Variants in SCN8A observed in about 807,000 individuals in gnomAD.
SCN8A encodes sodium channel protein type 8 subunit alpha.
Under a neutral mutation model 184.1 loss-of-function variants are expected in SCN8A, and 30 were observed. The observed-to-expected ratio is 0.16, with a 90% CI of 0.12 to 0.22. The LOEUF (loss-of-function observed/expected upper bound fraction) is 0.22, where lower values mean the gene tolerates loss of function less well. SCN8A is among the 10% of genes least tolerant of loss of function. SCN8A has a pLI of 1.00. For missense variants in SCN8A, 1,057 were observed against 2,498.9 expected (o/e 0.42, Z 12.30); for synonymous variants, 852 against 907.0 (o/e 0.94, Z 1.09).
At chr12:51,770,774 T>C (rs1692270896) in intron 19 of SCN8A, 91 bp downstream of exon 19, 1 of 1,340,630 alleles carries the variant, frequency 7.5e-7, no homozygotes, top group Non-Finnish European at 1.0e-6. Flanking sequence ...GCCCAGTGGC[T>C]CTGAAAACAG....
At chr12:51,675,132 A>G (rs1941201403) in intron 2 of SCN8A, among the ~76,000 whole-genome samples, 1 of 152,236 alleles carries the variant, frequency 6.6e-6, no homozygotes, top group Non-Finnish European at 1.5e-5. Context: ...GAAGGTGATC[A>G]AAGTCAAATT....
intron 26 of SCN8A, among the ~76,000 whole-genome samples, chr12:51,804,873 G>A (rs2138939595): frequency 6.6e-6 from 1 of 152,340 alleles, no homozygotes; most frequent in Non-Finnish European, 1.5e-5. Flanking sequence ...GGCTAGTTTG[G>A]TAGACTAGGG....
chr12:51,594,111 A>G (rs1054405363), intron 1 of SCN8A, among the ~76,000 whole-genome samples: 7 of 152,250 alleles, frequency 4.6e-5, no homozygotes, highest in African/African-American at 1.7e-4. Context: ...TAAAATAGGA[A>G]GGAGGCCATA....
chr12:51,806,014 G>A lies in SCN8A; in HGVS notation c.4796-268G>A, dbSNP rs1938691440. ...CAGCTAATTTTTTATTTTCAGTAGA[G>A]ACAGGGTTTCACCATGTTGGCCAGG... On this transcript the variant is annotated intron_variant, in intron 26 of 26. Transcript: ENST00000627620. The surrounding 1 kb of genome is among the most constrained non-coding windows in gnomAD (Gnocchi z 8.7). 6.6e-6 allele frequency among the ~76,000 whole-genome samples: 1 copy of A among 152,082 alleles called. No homozygotes were observed. The highest frequency in any genetic ancestry group is 6.5e-5 in the Admixed American group (1 of 15,280).
At chr12:51,685,700 A>G (rs2138710583) in intron 3 of SCN8A, among the ~76,000 whole-genome samples, 1 of 152,270 alleles carries the variant, frequency 6.6e-6, no homozygotes, top group South Asian at 2.1e-4. Flanking sequence ...TATGGGCTGT[A>G]TTGGCTGATG....
In SCN8A at chr12:51,810,729, C is replaced by T. The variant is rs563793973; in HGVS notation, c.*3300C>T. ...TGGTTTGTGTGTGAAAAACATTTTCCCCCTCTTCTTTCCTTAACCTCCTTG... is the reference window on the plus strand; with the variant it reads ...TGGTTTGTGTGTGAAAAACATTTTCTCCCTCTTCTTTCCTTAACCTCCTTG... On this transcript the variant is annotated 3_prime_UTR_variant, in exon 27 of 27. Coordinates refer to ENST00000627620, the MANE Select transcript of SCN8A (RefSeq NM_001330260.2). 4.6e-5 allele frequency: 7 copies of T among 153,022 alleles called. No homozygotes were observed. In the South Asian group the frequency reaches 1.4e-3, roughly 32 times the overall value. 9.5% of individuals were successfully genotyped at this position (153,022 alleles called of 1,614,324 possible).
intron 12 of SCN8A, among the ~76,000 whole-genome samples, chr12:51,736,916 C>A (rs944764897): frequency 3.9e-5 from 6 of 152,200 alleles, no homozygotes; most frequent in African/African-American, 1.4e-4. Flanking sequence ...CCTTTTGATT[C>A]AAAATAAGAA....
At chr12:51,670,314 G>A (rs1401195227) in intron 2 of SCN8A, among the ~76,000 whole-genome samples, 1 of 152,158 alleles carries the variant, frequency 6.6e-6, no homozygotes, top group Non-Finnish European at 1.5e-5. Context: ...GTAATTCCAG[G>A]TGATCTTGGG....
At chr12:51,653,032 A>C (rs1052855168) in intron 1 of SCN8A, among the ~76,000 whole-genome samples, 1 of 152,154 alleles carries the variant, frequency 6.6e-6, no homozygotes, top group Non-Finnish European at 1.5e-5. Context: ...TTAAATATAT[A>C]AACTGGGCCA....
intron 11 of SCN8A, chr12:51,713,521 T>C (rs2138764698): frequency 1.3e-6 from 1 of 758,148 alleles, no homozygotes; most frequent in Non-Finnish European, 2.4e-6. Context: ...CTCTGGTTCC[T>C]TTGGGTCATG....
chr12:51,684,530 G>A (rs1941389056), intron 3 of SCN8A, among the ~76,000 whole-genome samples: 1 of 150,874 alleles, frequency 6.6e-6, no homozygotes, highest in Admixed American at 6.6e-5. Context: ...TGGTATCATT[G>A]TATGGACAAA....
intron 23 of SCN8A, among the ~76,000 whole-genome samples, 198 bp from the exon 24 acceptor site, chr12:51,789,083 C>T (rs552977135): frequency 6.6e-6 from 1 of 152,190 alleles, no homozygotes; most frequent in East Asian, 1.9e-4. Context: ...ATGTTCTCCA[C>T]ATGAGTCAGA....
chr12:51,753,132 A>G (rs1038300368), intron 14 of SCN8A, among the ~76,000 whole-genome samples: 6 of 152,226 alleles, frequency 3.9e-5, no homozygotes, highest in African/African-American at 1.4e-4. Context: ...GACTTTGCTC[A>G]GAACCATCAG....
intron 1 of SCN8A, among the ~76,000 whole-genome samples, chr12:51,648,341 T>C (rs1018915631): frequency 6.6e-6 from 1 of 152,190 alleles, no homozygotes; most frequent in African/African-American, 2.4e-5. Context: ...TAGCTGGGAC[T>C]ATAGGCATGC....
intron 1 of SCN8A, among the ~76,000 whole-genome samples, chr12:51,626,061 G>A (rs1292140063): frequency 6.6e-6 from 1 of 152,210 alleles, no homozygotes; most frequent in African/African-American, 2.4e-5. Flanking sequence ...GTTTCAGTCA[G>A]GAGGCAGAAG....
intron 2 of SCN8A, among the ~76,000 whole-genome samples, chr12:51,664,263 AGTGGTGCG>A (rs1187082225): frequency 6.7e-6 from 1 of 150,090 alleles, no homozygotes; most frequent in Non-Finnish European, 1.5e-5. Context: ...ACAGGAGTGC[AGTGGTGCG>A]GTCTCAGCTC....
intron 14 of SCN8A, among the ~76,000 whole-genome samples, chr12:51,756,843 AAAG>A (rs1942683063): frequency 6.6e-6 from 1 of 152,234 alleles, no homozygotes; most frequent in Non-Finnish European, 1.5e-5. Flanking sequence ...AAGGGGATGG[AAAG>A]AAGAGCTAGG....
intron 6 of SCN8A, among the ~76,000 whole-genome samples, chr12:51,694,884 C>T (rs1311517326): frequency 6.6e-6 from 1 of 152,150 alleles, no homozygotes; most frequent in Non-Finnish European, 1.5e-5. Context: ...AGAGCTTGAG[C>T]TTAGGAAATG....
chr12:51,794,929 T>C (rs1395514114), intron 26 of SCN8A, among the ~76,000 whole-genome samples: 2 of 152,010 alleles, frequency 1.3e-5, no homozygotes, highest in Non-Finnish European at 2.9e-5. Context: ...GTTTAAAGTC[T>C]AACAGGGAAG....
Sources: gnomAD v4.1 joint callset for allele counts (sites outside exome capture counted in the v4.1 genomes callset) on GRCh38, gnomAD v4.1.1 for gene constraint, Gnocchi (gnomAD v3.1) non-coding constraint, MANE v1.5 for transcripts, NCBI Gene and HGNC (gene_info 2026-07-23, HGNC 2026-07-21) for gene names.